Variants in THSD7A observed in about 807,000 individuals in gnomAD.
THSD7A encodes the protein thrombospondin type-1 domain-containing protein 7A.
In THSD7A, 96 loss-of-function variants were observed where a neutral mutation model predicts 231.3. The observed-to-expected ratio is 0.41, with a 90% CI of 0.35 to 0.49. The LOEUF (loss-of-function observed/expected upper bound fraction) is 0.49. Among genes scored for constraint, THSD7A ranks in the 20% least tolerant of loss-of-function variants. The pLI, the probability that THSD7A is intolerant of heterozygous loss-of-function variation, is 0.05. For synonymous variants in THSD7A, 940 were observed against 743.3 expected, an observed-to-expected ratio of 1.26 and a Z score of -4.30; for missense variants, 2,290 against 2,070.2, an observed-to-expected ratio of 1.11 and a Z score of -2.06.
At chr7:11,642,027 C>T (rs947846443) in intron 1 of THSD7A, among the ~76,000 whole-genome samples, 3 of 152,254 alleles carry the variant, frequency 2.0e-5, no homozygotes, top group African/African-American at 7.2e-5. Context: ...TCTAAAAATC[C>T]TCTTGAAAAC....
At chr7:11,678,671 C>T (rs538215545) in intron 1 of THSD7A, among the ~76,000 whole-genome samples, 1 of 152,110 alleles carries the variant, frequency 6.6e-6, no homozygotes, top group South Asian at 2.1e-4. Context: ...CTTGAATAGA[C>T]CAGTAACAAG....
intron 9 of THSD7A, among the ~76,000 whole-genome samples, chr7:11,467,312 C>G (rs1437485828): frequency 1.3e-5 from 2 of 149,886 alleles, no homozygotes; most frequent in South Asian, 2.1e-4. Context: ...CCTTAGAGCT[C>G]TTTGTGTTTT....
intron 6 of THSD7A, among the ~76,000 whole-genome samples, chr7:11,498,197 A>T (rs2128309252): frequency 6.6e-6 from 1 of 152,194 alleles, no homozygotes; most frequent in Middle Eastern, 3.4e-3. Context: ...CTTTCATGGC[A>T]CCTCATATGA....
Position 11,481,931 on chromosome 7 carries a change from A to G in THSD7A, c.1874T>C (p.Val625Ala). 6.2e-7 allele frequency: 1 copy of G among 1,613,712 alleles called. No homozygotes were observed. Among genetic ancestry groups the G allele is most frequent in the Non-Finnish European group, 8.5e-7 (1 of 1,179,694 alleles). The change falls in exon 7 of 28, where the codon GTG becomes GCG. Residue 625 changes from valine to alanine, a missense_variant. Coordinates refer to ENST00000423059, the MANE Select transcript of THSD7A (RefSeq NM_015204.3). ...TTTCGGGCATGGGGCATCACAGGCC[A>G]CAGGGATGGGGAAGATGGCATCTCT... The part of the protein sequence containing the change: ...LCRDAIFPIP[V>A]ACDAPCPKDC...
chr7:11,742,480 A>G (rs911327681), intron 1 of THSD7A, among the ~76,000 whole-genome samples: 75 of 151,850 alleles, frequency 4.9e-4, no homozygotes, highest in African/African-American at 1.8e-3. Flanking sequence ...AAAATCCTCA[A>G]TCTAAATCAT....
rs769380340 is a variant in THSD7A, at chr7:11,460,774, C to A, written c.2502-9G>T. On this transcript the variant is annotated splice_polypyrimidine_tract_variant and intron_variant, in intron 10 of 27. Coordinates refer to ENST00000423059, the MANE Select transcript of THSD7A (RefSeq NM_015204.3). Reference sequence around the variant, plus strand: ...ATTTGTGAGTCTTCCACCTACAAGACAGGAACAGAAGCCCAGTGGGGAAGA... The same window carrying A: ...ATTTGTGAGTCTTCCACCTACAAGAAAGGAACAGAAGCCCAGTGGGGAAGA... The A allele has an allele frequency of 6.2e-7, 1 of 1,608,460 alleles. No individual in the cohort carries two copies. The highest frequency in any genetic ancestry group is 8.5e-7 in the Non-Finnish European group (1 of 1,177,250).
chr7:11,769,671 A>G (rs568474516), intron 1 of THSD7A, among the ~76,000 whole-genome samples: 1 of 152,282 alleles, frequency 6.6e-6, no homozygotes, highest in Admixed American at 6.5e-5. Context: ...ATGTTGGCTA[A>G]TAGTTCCTAC....
intron 1 of THSD7A, among the ~76,000 whole-genome samples, chr7:11,774,469 T>C (rs955371091): frequency 6.8e-6 from 1 of 147,118 alleles, no homozygotes. Context: ...AGGGGTTAGG[T>C]CTCATGTTAA....
chr7:11,660,709 T>C (rs761319124), intron 1 of THSD7A, among the ~76,000 whole-genome samples: 18 of 151,392 alleles, frequency 1.2e-4, no homozygotes, highest in Non-Finnish European at 2.1e-4. Flanking sequence ...AAATTACATA[T>C]GGATTAAGTA....
At position 11,407,400 on chromosome 7, in the gene THSD7A, C is replaced by T. The variant is rs1783621879; in HGVS notation, c.3822G>A (p.Gln1274=). The part of the protein sequence containing the change: ...CEALGLEKNW[Q]MNTSCMVECP... The stretch of plus-strand genomic sequence containing the variant: ...ATTCCACCATGCAGGACGTGTTCAT[C>T]TGCCAGTTCTTCTCCAAGCCAAGCT... Residue 1274 remains glutamine, a synonymous_variant, in exon 20 of 28, where the codon CAG becomes CAA. Coordinates refer to ENST00000423059, the MANE Select transcript of THSD7A (RefSeq NM_015204.3). 3 of 1,613,260 alleles carry T rather than the reference C, an allele frequency of 1.9e-6. No homozygotes were observed. Among genetic ancestry groups the T allele is most frequent in the Non-Finnish European group, 2.5e-6 (3 of 1,179,640 alleles).
In THSD7A at chr7:11,411,019, G is replaced by A. The variant is rs181961230; in HGVS notation, c.3798+188C>T. On this transcript the variant is annotated intron_variant, in intron 19 of 27. Transcript: ENST00000423059. The surrounding 1 kb of genome is among the most constrained non-coding windows in gnomAD (Gnocchi z 4.1). ...TGGGCTCCAAGCAGAAGAAAATACA[G>A]GAAATTATATGTAGGAATCAGTAGT... Among the ~76,000 whole-genome samples, 6 of 151,938 alleles carry A rather than the reference G, an allele frequency of 3.9e-5. No individual in the cohort carries two copies. In the East Asian group the frequency reaches 1.2e-3, roughly 30 times the overall value.
chr7:11,781,092 T>C (rs995871066), intron 1 of THSD7A, among the ~76,000 whole-genome samples: 7 of 142,774 alleles, frequency 4.9e-5, no homozygotes, highest in African/African-American at 1.3e-4. Flanking sequence ...AAAAGTTACA[T>C]GCTGGGTATG....
intron 1 of THSD7A, among the ~76,000 whole-genome samples, chr7:11,652,525 G>C (rs1782543166): frequency 6.6e-6 from 1 of 151,888 alleles, no homozygotes; most frequent in Non-Finnish European, 1.5e-5. Flanking sequence ...GATTAGAAGA[G>C]TAATTCAGGC....
intron 1 of THSD7A, among the ~76,000 whole-genome samples, chr7:11,639,408 G>A (rs1781991238): frequency 6.6e-6 from 1 of 152,134 alleles, no homozygotes; most frequent in Non-Finnish European, 1.5e-5. Flanking sequence ...TGTGGCTCAT[G>A]CCTGTAATCC....
chr7:11,615,952 C>G (rs1282439876), intron 2 of THSD7A, among the ~76,000 whole-genome samples: 1 of 152,018 alleles, frequency 6.6e-6, no homozygotes, highest in Non-Finnish European at 1.5e-5. Flanking sequence ...TAAAAAATAT[C>G]TCACTGGTAT....
intron 1 of THSD7A, among the ~76,000 whole-genome samples, chr7:11,784,003 A>G (rs1226193170): frequency 2.0e-5 from 3 of 152,060 alleles, no homozygotes; most frequent in Non-Finnish European, 4.4e-5. Context: ...AGTTTTTTAA[A>G]TGTAAAAAGT....
intron 13 of THSD7A, among the ~76,000 whole-genome samples, chr7:11,432,228 G>A (rs1234414334): frequency 6.6e-6 from 1 of 152,076 alleles, no homozygotes; most frequent in Non-Finnish European, 1.5e-5. Context: ...GTGTGTGATT[G>A]TGTAGGTCTT....
chr7:11,528,102 G>C (rs1187411481), intron 6 of THSD7A, among the ~76,000 whole-genome samples: 1 of 152,136 alleles, frequency 6.6e-6, no homozygotes, highest in East Asian at 1.9e-4. Context: ...AGGAGTTTGA[G>C]GGCTGCAGTG....
intron 1 of THSD7A, among the ~76,000 whole-genome samples, chr7:11,643,157 A>G (rs772722202): frequency 2.2e-4 from 33 of 152,214 alleles, no homozygotes; most frequent in Admixed American, 1.4e-3. Context: ...ATATGTTTGC[A>G]TCCTTCACAT....
Sources: gnomAD v4.1 joint callset for allele counts (sites outside exome capture counted in the v4.1 genomes callset) on GRCh38, gnomAD v4.1.1 for gene constraint, Gnocchi (gnomAD v3.1) non-coding constraint, MANE v1.5 for transcripts, NCBI Gene and HGNC (gene_info 2026-07-23, HGNC 2026-07-21) for gene names.